Variants in CEP112 observed in about 807,000 individuals in gnomAD.
CEP112 encodes the protein centrosomal protein of 112 kDa.
CEP112 carries 127 observed loss-of-function variants against 153.0 expected under a neutral mutation model. The ratio of observed to expected loss-of-function variants is 0.83; its 90% CI spans 0.72 to 0.96. The LOEUF is 0.96. Among genes scored for constraint, CEP112 ranks in the 40% least tolerant of loss-of-function variants. The pLI is 0.00. For synonymous variants in CEP112, 358 were observed against 374.4 expected (o/e 0.96, Z 0.51); for missense variants, 1,089 against 1,101.2 (o/e 0.99, Z 0.16).
chr17:65,925,740 T>C (rs545254889), intron 19 of CEP112, among the ~76,000 whole-genome samples: 1 of 152,330 alleles, frequency 6.6e-6, no homozygotes, highest in Admixed American at 6.5e-5. Context: ...GCCAATAAAA[T>C]GTGAGTAAAC....
chr17:65,970,651 T>C (rs889169916), intron 17 of CEP112, among the ~76,000 whole-genome samples: 2 of 151,996 alleles, frequency 1.3e-5, no homozygotes, highest in African/African-American at 4.8e-5. Flanking sequence ...TGCACGCATG[T>C]ATATTACATA....
At position 66,132,760 on chromosome 17, in the gene CEP112, C is replaced by T. The variant is rs768703976; in HGVS notation, c.474G>A (p.Arg158=). The T allele has an allele frequency of 5.6e-6, 9 of 1,610,374 alleles. No individual in the cohort carries two copies. The highest frequency in any genetic ancestry group is 6.8e-6 in the Non-Finnish European group (8 of 1,176,730). ...LVQSPTDVYS[R]EQYTGKLRVR... is the part of the protein sequence containing the mutation. ...CTCGGAGCTTCCCAGTGTACTGTTC[C>T]CTGCTAAGAGACCAAAATAATCGCA... The change falls in exon 5 of 27, where the codon AGG becomes AGA. Residue 158 remains arginine, a synonymous_variant. Coordinates refer to ENST00000535342, the MANE Select transcript of CEP112 (RefSeq NM_001199165.4).
intron 21 of CEP112, among the ~76,000 whole-genome samples, chr17:65,759,399 T>A (rs1259152277): frequency 6.6e-6 from 1 of 151,990 alleles, no homozygotes; most frequent in Non-Finnish European, 1.5e-5. Flanking sequence ...CTGGATGGAG[T>A]CCCCTTTCAT....
intron 24 of CEP112, among the ~76,000 whole-genome samples, chr17:65,658,424 A>G (rs1193298067): frequency 1.3e-5 from 2 of 152,242 alleles, no homozygotes; most frequent in African/African-American, 2.4e-5. Flanking sequence ...CCTGTCTCAT[A>G]GAATAGAAGC....
intron 21 of CEP112, among the ~76,000 whole-genome samples, chr17:65,849,182 G>A (rs137856118): frequency 1.3e-5 from 2 of 152,286 alleles, no homozygotes; most frequent in East Asian, 3.9e-4. Context: ...GTTTGCTCTT[G>A]CTTTCCTTAT....
At chr17:65,741,950 C>A (rs1598441175) in intron 23 of CEP112, among the ~76,000 whole-genome samples, 2 of 144,044 alleles carry the variant, frequency 1.4e-5, no homozygotes, top group Non-Finnish European at 1.5e-5. Context: ...GGTCTTATAA[C>A]ACAGGTAGGG....
intron 17 of CEP112, among the ~76,000 whole-genome samples, chr17:65,976,740 T>TC (rs2063049461): frequency 6.9e-6 from 1 of 144,792 alleles, no homozygotes; most frequent in Non-Finnish European, 1.5e-5. Context: ...TTTTTCTTTT[T>TC]TTTTTTTTTT....
intron 21 of CEP112, among the ~76,000 whole-genome samples, chr17:65,837,259 C>T (rs1487531551): frequency 1.3e-5 from 2 of 151,940 alleles, no homozygotes; most frequent in African/African-American, 2.4e-5. Context: ...TCTGCCTGGC[C>T]GCCCATCGTC....
chr17:65,994,797 T>C (rs2063723636), intron 17 of CEP112, among the ~76,000 whole-genome samples: 1 of 152,176 alleles, frequency 6.6e-6, no homozygotes, highest in Non-Finnish European at 1.5e-5. Flanking sequence ...CAACACTCCC[T>C]GTCAAGTGAT....
At chr17:65,962,424 T>C (rs1205940059) in intron 17 of CEP112, among the ~76,000 whole-genome samples, 2 of 152,208 alleles carry the variant, frequency 1.3e-5, no homozygotes, top group Admixed American at 6.5e-5. Context: ...ACCATCTCAT[T>C]TCTTCATACC....
At chr17:65,886,364 TA>T (rs970033085) in intron 20 of CEP112, among the ~76,000 whole-genome samples, 54 of 152,156 alleles carry the variant, frequency 3.5e-4, no homozygotes, top group African/African-American at 1.3e-3. Flanking sequence ...TTTTAATGGC[TA>T]AAAAAACCCT....
chr17:66,126,046 G>A (rs2146493606), intron 6 of CEP112, among the ~76,000 whole-genome samples: 1 of 152,242 alleles, frequency 6.6e-6, no homozygotes. Flanking sequence ...ATACCTATAA[G>A]GTAGATAAAG....
intron 16 of CEP112, among the ~76,000 whole-genome samples, chr17:66,023,002 T>C (rs1385050429): frequency 6.6e-6 from 1 of 151,846 alleles, no homozygotes; most frequent in African/African-American, 2.4e-5. Flanking sequence ...TTAATCCAGT[T>C]AAACAAAAAT....
intron 4 of CEP112, among the ~76,000 whole-genome samples, chr17:66,140,784 C>T (rs550399451): frequency 6.6e-6 from 1 of 152,106 alleles, no homozygotes; most frequent in African/African-American, 2.4e-5. Flanking sequence ...ATTACAGGCA[C>T]ACACCACCAC....
At chr17:65,925,466 T>C (rs73346882) in intron 19 of CEP112, among the ~76,000 whole-genome samples, 5,688 of 152,352 alleles carry the variant, frequency 0.037, 322 homozygotes, top group African/African-American at 0.12. Context: ...TTATTATGTC[T>C]ATGTATATAC....
At chr17:65,894,198 T>G (rs1382207783) in intron 20 of CEP112, among the ~76,000 whole-genome samples, 3 of 152,136 alleles carry the variant, frequency 2.0e-5, no homozygotes, top group African/African-American at 7.2e-5. Flanking sequence ...TCAAGGCATA[T>G]TTCCTTATGT....
At chr17:66,162,821 G>T (rs1431003688) in intron 4 of CEP112, among the ~76,000 whole-genome samples, 2 of 152,086 alleles carry the variant, frequency 1.3e-5, no homozygotes, top group East Asian at 3.9e-4. Context: ...CCTGGAAAGA[G>T]ATTTCACAGA....
chr17:65,889,476 G>C (rs767368785), intron 20 of CEP112, among the ~76,000 whole-genome samples: 1 of 152,050 alleles, frequency 6.6e-6, no homozygotes, highest in Middle Eastern at 3.2e-3. Flanking sequence ...CCTGGCTCAT[G>C]AAATACCACT....
intron 12 of CEP112, among the ~76,000 whole-genome samples, chr17:66,050,680 C>T (rs1213207418): frequency 6.6e-6 from 1 of 152,052 alleles, no homozygotes; most frequent in Non-Finnish European, 1.5e-5. Flanking sequence ...TTAAATAGGC[C>T]TTCTAGCAAT....
Sources: allele counts gnomAD v4.1 joint callset (sites outside exome capture counted in the v4.1 genomes callset), GRCh38; gene constraint gnomAD v4.1.1; transcripts MANE v1.5; gene names NCBI Gene and HGNC (gene_info 2026-07-23, HGNC 2026-07-21).